The following ZNF226 variants were observed in gnomAD, a reference collection of about 807,000 sequenced individuals.
The protein encoded by ZNF226 is Kruppel-associated box protein.
ZNF226 carries 6 observed loss-of-function variants against 11.4 expected under a neutral mutation model. The observed-to-expected ratio is 0.53, with a 90% CI of 0.29 to 1.04. The LOEUF (loss-of-function observed/expected upper bound fraction) is 1.04, where lower values mean the gene tolerates loss of function less well. ZNF226 is among the 50% of genes least tolerant of loss of function. The probability of loss-of-function intolerance (pLI) is 0.08; values close to 1 mark genes in which losing one functional copy is unlikely to be tolerated. For missense variants in ZNF226, 1,058 were observed against 956.5 expected (o/e 1.11, Z -1.40); for synonymous variants, 350 against 322.8 (o/e 1.08, Z -0.90).
At position 44,177,498 on chromosome 19, in the gene ZNF226, C is replaced by A. The variant is rs1253143605; in HGVS notation, c.2236C>A (p.Gln746Lys). Residue 746 changes from glutamine (Q) to lysine (K), a missense_variant, in exon 6 of 6, where the codon CAG (glutamine) becomes AAG (lysine). Physicochemically the swap from Gln to Lys is moderately conservative, Grantham distance 53. Coordinates refer to ENST00000337433, the MANE Select transcript of ZNF226 (RefSeq NM_001032373.2). Reference sequence around the variant, plus strand: ...TCGGTCTTCACAACTACAGTCTCATCAGCGAGTTCACACTGGGGAGAAACC... The same window carrying A: ...TCGGTCTTCACAACTACAGTCTCATAAGCGAGTTCACACTGGGGAGAAACC... ...FSRSSQLQSHQRVHTGEKPYK... is the reference protein window; with the variant it reads ...FSRSSQLQSHKRVHTGEKPYK... 1.2e-6 allele frequency: 2 copies of A among 1,614,154 alleles called. No individual in the cohort carries two copies. Among genetic ancestry groups the A allele is most frequent in the Non-Finnish European group, 1.7e-6 (2 of 1,180,018 alleles).
chr19:44,172,020 G>C lies in ZNF226; in HGVS notation c.16-68G>C, dbSNP rs530634340. ...GGGCATCCAGAACAACTTTCCACCT[G>C]TTCTCAGTGTTACCCATCTTCTAGT... On this transcript the variant is annotated intron_variant, in intron 3 of 5. Coordinates refer to ENST00000337433, the MANE Select transcript of ZNF226 (RefSeq NM_001032373.2). The C allele has an allele frequency of 2.5e-6, 4 of 1,580,924 alleles. No homozygotes were observed. In the South Asian group the frequency reaches 3.3e-5, roughly 13 times the overall value.
At chr19:44,168,565 C>A (rs528492300) in intron 2 of ZNF226, among the ~76,000 whole-genome samples, 5 of 152,194 alleles carry the variant, frequency 3.3e-5, no homozygotes, top group Non-Finnish European at 7.4e-5. Flanking sequence ...CGATATCTTT[C>A]TAGAGTATTG....
the ZNF226 span, among the ~76,000 whole-genome samples, chr19:44,196,543 G>C: frequency 2.0e-5 from 3 of 152,192 alleles, no homozygotes; most frequent in Non-Finnish European, 4.4e-5. Flanking sequence ...TTTGATCATG[G>C]AGGAGACAGC....
At chr19:44,171,995 G>A in intron 3 of ZNF226, 93 bp from the exon 4 acceptor site, 1 of 1,523,264 alleles carries the variant, frequency 6.6e-7, no homozygotes, top group South Asian at 1.1e-5. Flanking sequence ...ACAAACGGCT[G>A]GGCATCCAGA....
At chr19:44,182,417 A>G (rs149625455), downstream of ZNF226, among the ~76,000 whole-genome samples, 58 of 152,350 alleles carry the variant, frequency 3.8e-4, no homozygotes, top group Non-Finnish European at 4.7e-4. Context: ...GTCTCCAGAC[A>G]CTGCCAGACA....
the ZNF226 span, among the ~76,000 whole-genome samples, chr19:44,186,865 T>C: frequency 1.8e-5 from 2 of 112,764 alleles, no homozygotes; most frequent in Admixed American, 1.1e-4. Flanking sequence ...CTTTCATTTC[T>C]AGTTAAGTGG....
chr19:44,183,739 G>C, the ZNF226 span, among the ~76,000 whole-genome samples: 1 of 152,154 alleles, frequency 6.6e-6, no homozygotes, highest in Non-Finnish European at 1.5e-5. Context: ...GACTTCATTT[G>C]CAGTTCCAGA....
At chr19:44,167,784 A>T (rs980246519) in intron 2 of ZNF226, 2 of 152,228 alleles carry the variant, frequency 1.3e-5, no homozygotes, top group East Asian at 1.9e-4. Context: ...ATCACCAGGA[A>T]CATACCTGTA....
At chr19:44,189,827 G>T in the ZNF226 span, among the ~76,000 whole-genome samples, 28 of 152,360 alleles carry the variant, frequency 1.8e-4, 1 homozygote, top group South Asian at 5.8e-3. Flanking sequence ...CTGGTTTGTA[G>T]TTTGAATGTC....
the ZNF226 span, among the ~76,000 whole-genome samples, chr19:44,192,426 G>A: frequency 6.6e-6 from 1 of 152,130 alleles, no homozygotes; most frequent in Non-Finnish European, 1.5e-5. Flanking sequence ...AGGCAATGAT[G>A]CATGATTTTA....
rs750219608 is a variant in ZNF226 at position 44,177,677 on chromosome 19, C to A, written c.*3C>A. ...AGGAAAAAAAATCTATAAAATGATTCTTTGTGAAGACTCGTGTCATTTGAA... is the reference window on the plus strand; with the variant it reads ...AGGAAAAAAAATCTATAAAATGATTATTTGTGAAGACTCGTGTCATTTGAA... On this transcript the variant is annotated 3_prime_UTR_variant, in exon 6 of 6. Transcript: ENST00000337433. The A allele has an allele frequency of 3.8e-6, 6 of 1,568,848 alleles. No homozygotes were observed. Among genetic ancestry groups the A allele is most frequent in the Non-Finnish European group, 3.4e-6 (4 of 1,159,644 alleles).
In ZNF226 at chr19:44,175,840, A is replaced by G. The variant is rs781272930; in HGVS notation, c.578A>G (p.Lys193Arg). The G allele has an allele frequency of 1.3e-5, 21 of 1,613,570 alleles. No individual in the cohort carries two copies. The East Asian group carries it at 4.7e-4, about 36-fold the overall frequency. ...AACAGAGATCAGCAAATTTCCATAA[A>G]AAATAAATTATGTCAATGTAAGAAG... ...RLNRDQQISI[K>R]NKLCQCKKGV... Residue 193 changes from lysine (K) to arginine (R), a missense_variant, in exon 6 of 6, where the codon AAA becomes AGA. Physicochemically the swap from Lys to Arg is conservative, Grantham distance 26. Coordinates refer to ENST00000337433, the MANE Select transcript of ZNF226 (RefSeq NM_001032373.2).
At chr19:44,182,188 C>T (rs575988579), downstream of ZNF226, among the ~76,000 whole-genome samples, 1 of 152,244 alleles carries the variant, frequency 6.6e-6, no homozygotes, top group Middle Eastern at 3.4e-3. Context: ...AAAAAAAAGC[C>T]AGAACTTTGT....
At chr19:44,167,856 T>G (rs536061497) in intron 2 of ZNF226, 1 of 152,322 alleles carries the variant, frequency 6.6e-6, no homozygotes, top group South Asian at 2.1e-4. Context: ...GCATGGGGTG[T>G]CTTGGTAAGA....
the ZNF226 span, among the ~76,000 whole-genome samples, chr19:44,187,806 A>C: frequency 6.6e-6 from 1 of 152,184 alleles, no homozygotes; most frequent in Middle Eastern, 3.4e-3. This position sits in a 1 kb window ranked among gnomAD's most constrained non-coding sequence, Gnocchi z 4.0. Flanking sequence ...GCATCTCATA[A>C]GTTTTGAAAT....
Position 44,175,700 on chromosome 19 carries a change from G to C in ZNF226, c.438G>C (p.Glu146Asp). ...TGTCTATTCAAATTTCTGAAGATGA[G>C]AACTATATAGTAAATAAAGCAGATG... ...TELSIQISED[E>D]NYIVNKADGP... The change falls in exon 6 of 6, where the codon GAG becomes GAC. Residue 146 changes from glutamate (E) to aspartate (D), a missense_variant. Physicochemically the swap from Glu to Asp is conservative, Grantham distance 45. Coordinates refer to ENST00000337433, the MANE Select transcript of ZNF226 (RefSeq NM_001032373.2). 2 of 1,612,838 alleles carry C rather than the reference G, an allele frequency of 1.2e-6. No homozygotes were observed.
chr19:44,176,129 C>T lies in ZNF226; in HGVS notation c.867C>T (p.Phe289=), dbSNP rs199943580. 63 of 1,614,168 alleles carry T rather than the reference C, an allele frequency of 3.9e-5. No individual in the cohort carries two copies. The East Asian group carries it at 1.3e-3, about 33-fold the overall frequency. ...SLTCVERGKG[F]CYSPVLPVHQ... ...CATGTGTTGAGCGTGGAAAAGGCTT[C>T]TGTTACAGCCCAGTTCTTCCTGTTC... Residue 289 remains phenylalanine (F), a synonymous_variant, in exon 6 of 6, where the codon TTC becomes TTT. Coordinates refer to ENST00000337433, the MANE Select transcript of ZNF226 (RefSeq NM_001032373.2).
At chr19:44,167,141 T>C (rs1969475781) in intron 2 of ZNF226, among the ~76,000 whole-genome samples, 1 of 152,150 alleles carries the variant, frequency 6.6e-6, no homozygotes, top group African/African-American at 2.4e-5. Context: ...GATCTATTTC[T>C]CCCAGGCTTT....
intron 5 of ZNF226, 149 bp from the exon 6 acceptor site, chr19:44,175,349 G>A (rs1970578226): frequency 1.4e-6 from 2 of 1,420,154 alleles, no homozygotes; most frequent in Middle Eastern, 5.2e-4. Context: ...GTTTCTGTCA[G>A]TATGTAAACC....
Sources: allele counts gnomAD v4.1 joint callset (sites outside exome capture counted in the v4.1 genomes callset), GRCh38; gene constraint gnomAD v4.1.1; non-coding constraint Gnocchi (gnomAD v3.1); transcripts MANE v1.5; gene names NCBI Gene and HGNC (gene_info 2026-07-23, HGNC 2026-07-21).